The following DMD variants were observed in gnomAD, a reference collection of about 807,000 sequenced individuals.
DMD encodes dystrophin, also known as mutant dystrophin.
Under a neutral mutation model 330.1 loss-of-function variants are expected in DMD, and 63 were observed. That is an observed-to-expected ratio of 0.19 (90% CI 0.16 to 0.24). The LOEUF (loss-of-function observed/expected upper bound fraction) is 0.24, where lower values mean the gene tolerates loss of function less well. Among genes scored for constraint, DMD ranks in the 10% least tolerant of loss-of-function variants. The pLI, the probability that DMD is intolerant of heterozygous loss-of-function variation, is 1.00. For synonymous variants in DMD, 1,223 were observed against 959.8 expected (o/e 1.27, Z -5.07); for missense variants, 3,344 against 2,684.1 (o/e 1.25, Z -5.43).
In DMD at chrX:31,121,380, G is replaced by A; in HGVS notation, c.*539C>T. 1 of 119,112 alleles carries A rather than the reference G, an allele frequency of 8.4e-6. No individual in the cohort carries two copies. Among genetic ancestry groups the A allele is most frequent in the Non-Finnish European group, 1.7e-5 (1 of 57,417 alleles). 9.8% of individuals were successfully genotyped at this position (119,112 alleles called of 1,213,427 possible). On this transcript the variant is annotated 3_prime_UTR_variant, in exon 79 of 79. Coordinates refer to ENST00000357033, the MANE Select transcript of DMD (RefSeq NM_004006.3). ...AAAGAAAAAGCCATGAATTTCATAT[G>A]GATATCACGCCAAAAGGATGCAAAA... is the stretch of plus-strand genomic sequence containing the variant.
At chrX:32,663,489 A>G (rs1306365294) in intron 9 of DMD, among the ~76,000 whole-genome samples, 1 of 111,914 alleles carries the variant, frequency 8.9e-6, no homozygotes, top group Non-Finnish European at 1.9e-5. Flanking sequence ...AAGAGCCTTT[A>G]TACATTCAAT....
chrX:33,280,803 C>T (rs1051921813), intron 1 of DMD, among the ~76,000 whole-genome samples: 1 of 111,946 alleles, frequency 8.9e-6, no homozygotes. Flanking sequence ...AGTCTGTACA[C>T]CACCAGTATC....
intron 1 of DMD, among the ~76,000 whole-genome samples, chrX:33,315,705 T>C (rs2053922781): frequency 8.9e-6 from 1 of 112,197 alleles, no homozygotes; most frequent in Admixed American, 9.5e-5. Flanking sequence ...AAGAATTATA[T>C]GAGTCCTCCT....
chrX:31,406,162 T>C (rs964937138), intron 60 of DMD, among the ~76,000 whole-genome samples: 39 of 111,865 alleles, frequency 3.5e-4, no homozygotes, highest in African/African-American at 1.2e-3. Context: ...CTAAGTGCAA[T>C]GTACTGTGTT....
intron 44 of DMD, among the ~76,000 whole-genome samples, chrX:32,085,172 T>C (rs1268915033): frequency 9.0e-6 from 1 of 111,339 alleles, no homozygotes; most frequent in African/African-American, 3.3e-5. Flanking sequence ...CCCTTGTAAA[T>C]TGAGCATTCA....
intron 16 of DMD, among the ~76,000 whole-genome samples, chrX:32,552,301 C>T (rs1467873668): frequency 9.0e-6 from 1 of 111,248 alleles, no homozygotes; most frequent in Non-Finnish European, 1.9e-5. Context: ...AATAGAGAGT[C>T]GAGAAATAAG....
chrX:32,735,445 C>A (rs994696729), intron 7 of DMD, among the ~76,000 whole-genome samples: 1 of 110,989 alleles, frequency 9.0e-6, no homozygotes, highest in South Asian at 3.8e-4. Flanking sequence ...CAAAAAAGAG[C>A]CCGCATCACC....
At chrX:32,453,754 T>A (rs953694314) in intron 26 of DMD, among the ~76,000 whole-genome samples, 1 of 111,008 alleles carries the variant, frequency 9.0e-6, no homozygotes, top group African/African-American at 3.3e-5. Context: ...ATTTATACAG[T>A]TGGCATGGGG....
intron 43 of DMD, among the ~76,000 whole-genome samples, chrX:32,276,298 G>A (rs2097386846): frequency 8.9e-6 from 1 of 112,270 alleles, no homozygotes; most frequent in African/African-American, 3.2e-5. Context: ...GAGGCAGTCT[G>A]GGACACACGA....
intron 48 of DMD, among the ~76,000 whole-genome samples, chrX:31,856,895 A>C (rs1313475163): frequency 8.9e-6 from 1 of 112,439 alleles, no homozygotes; most frequent in Non-Finnish European, 1.9e-5. Context: ...CAGAGATGCT[A>C]TCTATCCACA....
chrX:32,010,818 CT>C (rs911457735), intron 44 of DMD, among the ~76,000 whole-genome samples: 2 of 112,006 alleles, frequency 1.8e-5, no homozygotes, highest in African/African-American at 6.5e-5. Context: ...TGTGCCTCCC[CT>C]GAGAGCTCTT....
At position 31,321,607 on chromosome X, in the gene DMD, A is replaced by G. The variant is rs5012138; in HGVS notation, c.9224+1991T>C. Among the ~76,000 whole-genome samples, 162 of 89,281 alleles carry G rather than the reference A, an allele frequency of 1.8e-3. 4 individuals are homozygous for G. The highest frequency in any genetic ancestry group is 8.1e-3 in the African/African-American group (138 of 16,993). The allele number at this position is 89,281 out of a possible 115,157, so 77.5% of individuals were successfully genotyped here. A position where few individuals can be genotyped will look rare whatever the true frequency, so the allele number is the denominator to read the frequency against. ...TCAAAAAAAAAAAAAAAAAAAAAAA[A>G]AAAGAAAGAAACCAAGATTTTTATA... On this transcript the variant is annotated intron_variant, in intron 62 of 78. Coordinates refer to ENST00000357033, the MANE Select transcript of DMD (RefSeq NM_004006.3).
chrX:33,323,750 C>A (rs1009710782), intron 1 of DMD, among the ~76,000 whole-genome samples: 2 of 111,714 alleles, frequency 1.8e-5, no homozygotes, highest in Non-Finnish European at 1.9e-5. Flanking sequence ...TTTTATCCCA[C>A]GAGTTCCAAG....
At chrX:32,940,566 G>A (rs902560175) in intron 2 of DMD, among the ~76,000 whole-genome samples, 3 of 111,247 alleles carry the variant, frequency 2.7e-5, no homozygotes, top group African/African-American at 9.8e-5. Context: ...CAATGGGAAA[G>A]GACTCCCTGT....
intron 61 of DMD, among the ~76,000 whole-genome samples, chrX:31,339,962 G>A (rs1164995116): frequency 8.9e-6 from 1 of 112,729 alleles, no homozygotes; most frequent in Admixed American, 9.4e-5. Flanking sequence ...GACACTGGTA[G>A]CATAGGTTGG....
intron 1 of DMD, among the ~76,000 whole-genome samples, chrX:33,083,180 T>G (rs1297296559): frequency 2.7e-5 from 3 of 111,935 alleles, no homozygotes; most frequent in Non-Finnish European, 5.6e-5. Flanking sequence ...CCTGCTTGCT[T>G]GTGCTATAGC....
chrX:31,139,137 A>C (rs1250526136), intron 76 of DMD, among the ~76,000 whole-genome samples: 3 of 111,578 alleles, frequency 2.7e-5, no homozygotes, highest in Non-Finnish European at 3.8e-5. Context: ...CTCTACTCCA[A>C]GGTGATTTCC....
At chrX:32,000,803 C>T (rs1275653227) in intron 44 of DMD, among the ~76,000 whole-genome samples, 3 of 111,290 alleles carry the variant, frequency 2.7e-5, no homozygotes, top group Non-Finnish European at 5.7e-5. Context: ...TTCTTCATTC[C>T]CACTAAGCAC....
chrX:31,773,724 C>CTTTTTTTTTTTTTTTTTTTTTTTTTT (rs762551529), intron 51 of DMD, among the ~76,000 whole-genome samples: 2 of 53,550 alleles, frequency 3.7e-5, no homozygotes, highest in African/African-American at 7.6e-5. Context: ...AAGGTTTCTG[C>CTTTTTTTTTTTTTTTTTTTTTTTTTT]TTTTTTTTTT....
Sources: gnomAD v4.1 joint callset for allele counts (sites outside exome capture counted in the v4.1 genomes callset) on GRCh38, gnomAD v4.1.1 for gene constraint, MANE v1.5 for transcripts, NCBI Gene and HGNC (gene_info 2026-07-23, HGNC 2026-07-21) for gene names.